XIRP2: variants seen among roughly 807,000 people sequenced by gnomAD.
XIRP2 encodes the protein xin actin-binding repeat-containing protein 2.
Under a neutral mutation model 277.0 loss-of-function variants are expected in XIRP2, and 236 were observed. That is an observed-to-expected ratio of 0.85 (90% CI 0.77 to 0.95). XIRP2 has a LOEUF of 0.95. XIRP2 is among the 40% of genes least tolerant of loss of function. The pLI is 0.00. For synonymous variants in XIRP2, 1,490 were observed against 1,416.5 expected, an observed-to-expected ratio of 1.05 and a Z score of -1.17; for missense variants, 4,640 against 4,157.5, an observed-to-expected ratio of 1.12 and a Z score of -3.19.
At position 166,900,675 on chromosome 2, in the gene XIRP2, T is replaced by C. The variant is rs147913071; in HGVS notation, c.-18-2790T>C. Among the ~76,000 whole-genome samples the C allele has an allele frequency of 2.4e-3, 359 of 152,234 alleles. 3 individuals are homozygous for C. Among genetic ancestry groups the C allele is most frequent in the African/African-American group, 7.8e-3 (324 of 41,564 alleles). On this transcript the variant is annotated intron_variant, in intron 1 of 10. Coordinates refer to ENST00000409195, the MANE Select transcript of XIRP2 (RefSeq NM_152381.6). ...GAAGGTGGGATACTGGGCTCCCCAT[T>C]ATTCCTCCAATGCCATCACCCCTGC...
chr2:167,154,122 C>G (rs1692109144), intron 3 of XIRP2, among the ~76,000 whole-genome samples: 2 of 149,498 alleles, frequency 1.3e-5, no homozygotes, highest in African/African-American at 5.0e-5. Flanking sequence ...GAGATGGTAT[C>G]TCATTGTGGT....
chr2:167,109,246 T>C (rs1690684690), intron 2 of XIRP2, among the ~76,000 whole-genome samples: 1 of 152,104 alleles, frequency 6.6e-6, no homozygotes, highest in Non-Finnish European at 1.5e-5. Flanking sequence ...TGCATAGTAT[T>C]CCATGATGTA....
intron 2 of XIRP2, among the ~76,000 whole-genome samples, chr2:167,080,941 T>C (rs914593861): frequency 6.6e-6 from 1 of 152,158 alleles, no homozygotes; most frequent in African/African-American, 2.4e-5. Context: ...GACAACAATA[T>C]GTAACAAATT....
At chr2:167,103,163 A>G (rs983511709) in intron 2 of XIRP2, among the ~76,000 whole-genome samples, 4 of 151,958 alleles carry the variant, frequency 2.6e-5, no homozygotes, top group Non-Finnish European at 5.9e-5. Context: ...AGGAAGAAAG[A>G]AAGGAAGGAG....
intron 2 of XIRP2, among the ~76,000 whole-genome samples, chr2:167,080,430 C>G (rs981550125): frequency 6.6e-6 from 1 of 152,068 alleles, no homozygotes; most frequent in Non-Finnish European, 1.5e-5. Flanking sequence ...GGACAGAAAG[C>G]AAACACTAAT....
intron 2 of XIRP2, among the ~76,000 whole-genome samples, chr2:167,085,772 C>CT (rs1177113754): frequency 2.6e-5 from 4 of 151,826 alleles, no homozygotes; most frequent in Non-Finnish European, 5.9e-5. Context: ...CAACCCCTGC[C>CT]TTTTTTGTTT....
intron 2 of XIRP2, among the ~76,000 whole-genome samples, chr2:167,022,146 C>G (rs1273172964): frequency 6.6e-6 from 1 of 151,914 alleles, no homozygotes. Flanking sequence ...TTTTTTTCCT[C>G]CTAAAACACG....
chr2:167,132,767 C>A (rs1439496485), intron 2 of XIRP2, among the ~76,000 whole-genome samples: 1 of 152,120 alleles, frequency 6.6e-6, no homozygotes, highest in Non-Finnish European at 1.5e-5. Flanking sequence ...CGTAGTTAAG[C>A]CCCATTCATT....
At chr2:167,226,800 G>A (rs1694616156) in intron 5 of XIRP2, among the ~76,000 whole-genome samples, 1 of 152,060 alleles carries the variant, frequency 6.6e-6, no homozygotes, top group Admixed American at 6.6e-5. Flanking sequence ...GCCTGAAACA[G>A]GGCATCTTTT....
At chr2:167,161,119 T>G (rs1243290143) in intron 3 of XIRP2, among the ~76,000 whole-genome samples, 1 of 152,200 alleles carries the variant, frequency 6.6e-6, no homozygotes, top group Non-Finnish European at 1.5e-5. Context: ...TGGGTTCCCT[T>G]GGTCTTGGGC....
intron 2 of XIRP2, among the ~76,000 whole-genome samples, chr2:167,134,185 A>G (rs1691467493): frequency 6.6e-6 from 1 of 151,468 alleles, no homozygotes; most frequent in South Asian, 2.1e-4. Flanking sequence ...CATAGTGAAT[A>G]TATTCATATA....
chr2:167,231,200 G>A (rs1057490819), intron 5 of XIRP2, among the ~76,000 whole-genome samples: 1 of 151,774 alleles, frequency 6.6e-6, no homozygotes, highest in African/African-American at 2.4e-5. Flanking sequence ...TTTTATATAA[G>A]GATTTAAAAT....
chr2:167,241,943 AG>A (rs773495548), intron 8 of XIRP2, 33 bp downstream of exon 8: 1 of 1,572,590 alleles, frequency 6.4e-7, no homozygotes, highest in Admixed American at 1.9e-5. Context: ...AAACATACTA[AG>A]TGTAAGACCA....
chr2:167,059,090 CT>C (rs1483420166), intron 2 of XIRP2, among the ~76,000 whole-genome samples: 71 of 142,100 alleles, frequency 5.0e-4, no homozygotes, highest in African/African-American at 1.5e-3. Context: ...GAGGATTTAA[CT>C]TTTTTTTCTC....
At chr2:167,223,872 G>A (rs1194969761) in intron 5 of XIRP2, among the ~76,000 whole-genome samples, 1 of 152,118 alleles carries the variant, frequency 6.6e-6, no homozygotes, top group African/African-American at 2.4e-5. Flanking sequence ...AGTAATTGGG[G>A]CTGCTGGCTC....
chr2:167,154,391 G>C lies in XIRP2; in HGVS notation c.562+18329G>C, dbSNP rs557754405. ...CACTCTGAAGGTAGTTTCTTTTGCT[G>C]TGCAGAAGCTCTTTAGTTTAATTAG... On this transcript the variant is annotated intron_variant, in intron 3 of 10. Transcript: ENST00000409195. 3.8e-4 allele frequency among the ~76,000 whole-genome samples: 58 copies of C among 151,464 alleles called. 1 individual carries two copies. In the East Asian group the frequency reaches 0.011, roughly 29 times the overall value.
chr2:167,037,518 G>GGGTGTGT (rs1553481078), intron 2 of XIRP2, among the ~76,000 whole-genome samples: 35 of 126,460 alleles, frequency 2.8e-4, no homozygotes, highest in African/African-American at 1.0e-3. Flanking sequence ...TCATGTGGGG[G>GGGTGTGT]GTGTGTGTGT....
At chr2:167,026,240 G>T (rs1002634414) in intron 2 of XIRP2, among the ~76,000 whole-genome samples, 1 of 152,050 alleles carries the variant, frequency 6.6e-6, no homozygotes, top group East Asian at 1.9e-4. Context: ...GAGCTTTGTT[G>T]GTTTGAAGTC....
At chr2:167,227,739 A>G (rs1032166615) in intron 5 of XIRP2, among the ~76,000 whole-genome samples, 1 of 152,108 alleles carries the variant, frequency 6.6e-6, no homozygotes, top group African/African-American at 2.4e-5. Context: ...AAATGATAGA[A>G]TGATATAAAT....
Sources: gnomAD v4.1 joint callset for allele counts (sites outside exome capture counted in the v4.1 genomes callset) on GRCh38, gnomAD v4.1.1 for gene constraint, MANE v1.5 for transcripts, NCBI Gene and HGNC (gene_info 2026-07-23, HGNC 2026-07-21) for gene names.